The following HSPA4 variants were observed in gnomAD, a reference collection of about 807,000 sequenced individuals.
The protein encoded by HSPA4 is heat shock 70 kDa protein 4.
HSPA4 carries 25 observed loss-of-function variants against 106.2 expected under a neutral mutation model. The ratio of observed to expected loss-of-function variants is 0.24; its 90% CI spans 0.17 to 0.33. The LOEUF (loss-of-function observed/expected upper bound fraction) is 0.33. Ranked by LOEUF, HSPA4 falls within the 10% of genes least tolerant of loss-of-function variation. The pLI, the probability that HSPA4 is intolerant of heterozygous loss-of-function variation, is 1.00. For missense variants in HSPA4, 841 were observed against 996.0 expected, an observed-to-expected ratio of 0.84 and a Z score of 2.10; for synonymous variants, 332 against 333.6, an observed-to-expected ratio of 1.00 and a Z score of 0.05.
At chr5:133,096,025 T>C in intron 13 of HSPA4, 73 bp from the exon 14 acceptor site, 2 of 1,357,566 alleles carry the variant, frequency 1.5e-6, no homozygotes, top group South Asian at 3.0e-5. Flanking sequence ...AAAACAGTTT[T>C]CCAACATGAC....
intron 17 of HSPA4, among the ~76,000 whole-genome samples, chr5:133,103,295 G>A (rs1366567666): frequency 6.6e-6 from 1 of 151,640 alleles, no homozygotes; most frequent in African/African-American, 2.4e-5. Flanking sequence ...GAGCTTAAGC[G>A]ATCCTCCTGC....
At chr5:133,104,067 C>T (rs200417225) in intron 18 of HSPA4, 41 bp downstream of exon 18, 2 of 1,539,846 alleles carry the variant, frequency 1.3e-6, no homozygotes, top group African/African-American at 1.4e-5. Flanking sequence ...TCTTGACAGC[C>T]TTATTATTAA....
chr5:133,096,114 C>G lies in HSPA4; in HGVS notation c.1667C>G (p.Ser556Cys). The change falls in exon 14 of 19, where the codon TCC becomes TGC. Residue 556 changes from serine to cysteine, a missense_variant. Physicochemically the swap from Ser to Cys is moderately radical, Grantham distance 112 (BLOSUM62 -1). Transcript: ENST00000304858. ...TTGTTTTAGACCTCTCAAGCTGGATCCAAGGATAAAAAGATGGACCAACCA... is the reference window on the plus strand; with the variant it reads ...TTGTTTTAGACCTCTCAAGCTGGATGCAAGGATAAAAAGATGGACCAACCA... ...SEEMETSQAG[S>C]KDKKMDQPPQ... is the part of the protein sequence containing the mutation. 1 of 1,613,626 alleles carries G rather than the reference C, an allele frequency of 6.2e-7. No homozygotes were observed. Among genetic ancestry groups the G allele is most frequent in the Non-Finnish European group, 8.5e-7 (1 of 1,179,718 alleles).
intron 3 of HSPA4, among the ~76,000 whole-genome samples, chr5:133,068,421 G>A (rs1430580093): frequency 6.6e-6 from 1 of 151,648 alleles, no homozygotes; most frequent in Non-Finnish European, 1.5e-5. Context: ...GGTAGTAAGA[G>A]GAATCCATGA....
intron 13 of HSPA4, 29 bp downstream of exon 13, chr5:133,092,818 T>TG: frequency 1.0e-6 from 1 of 982,776 alleles, no homozygotes; most frequent in Non-Finnish European, 1.5e-6. Flanking sequence ...TTTTTTTTTT[T>TG]TTTTTTTTTT....
rs1765257948 is a variant in HSPA4, at chr5:133,062,606, TTTTA to T, written c.108-2370_108-2367del. ...TTGCATCTAGTGTCTAAAACAGAGA[TTTTA>T]TTTGTTTTAGTGATTGGTGGCATAG... On this transcript the variant is annotated intron_variant, in intron 1 of 18. Coordinates refer to ENST00000304858, the MANE Select transcript of HSPA4 (RefSeq NM_002154.4). 2.0e-5 allele frequency among the ~76,000 whole-genome samples: 3 copies of T among 152,128 alleles called. No homozygotes were observed. The South Asian group carries it at 6.2e-4, about 32-fold the overall frequency.
At chr5:133,096,703 G>A (rs1049875704) in intron 14 of HSPA4, among the ~76,000 whole-genome samples, 6 of 152,218 alleles carry the variant, frequency 3.9e-5, no homozygotes, top group Admixed American at 3.3e-4. Flanking sequence ...GCAAGGTTTG[G>A]GATTTGTGAG....
chr5:133,073,647 TG>T (rs1344298802), intron 5 of HSPA4, among the ~76,000 whole-genome samples: 1 of 152,196 alleles, frequency 6.6e-6, no homozygotes, highest in African/African-American at 2.4e-5. Flanking sequence ...GTCAGAGGAA[TG>T]GGACATTAAG....
chr5:133,083,244 G>A (rs1018867059), intron 7 of HSPA4, among the ~76,000 whole-genome samples: 1 of 151,856 alleles, frequency 6.6e-6, no homozygotes, highest in Non-Finnish European at 1.5e-5. Context: ...CCTGGGAGGC[G>A]GAGGTAGCAG....
Position 133,068,101 on chromosome 5 carries a change from C to T in HSPA4, c.306+544C>T, listed in dbSNP as rs1025437733. On this transcript the variant is annotated intron_variant, in intron 3 of 18. Transcript: ENST00000304858. ...TAGAGACGGGGTTTCACTGTGTTGG[C>T]CAGGTTGGTCTCGAACTCCTGACCT... Among the ~76,000 whole-genome samples the T allele has an allele frequency of 4.6e-5, 7 of 151,898 alleles. 1 individual carries two copies. The highest frequency in any genetic ancestry group is 1.4e-4 in the African/African-American group (6 of 41,408).
In HSPA4 at chr5:133,076,752, A is replaced by G; in HGVS notation, c.762A>G (p.Leu254=). 6.2e-7 allele frequency: 1 copy of G among 1,613,982 alleles called. No homozygotes were observed. The highest frequency in any genetic ancestry group is 8.5e-7 in the Non-Finnish European group (1 of 1,179,872). The change falls in exon 7 of 19, where the codon CTA becomes CTG. Residue 254 remains leucine (L), a synonymous_variant. Transcript: ENST00000304858. ...FCEEFGKKYK[L]DIKSKIRALL... ...AAGAATTTGGGAAGAAATACAAGCT[A>G]GACATTAAGTCCAAAATCCGTGCAT... is the stretch of plus-strand genomic sequence containing the variant.
intron 1 of HSPA4, among the ~76,000 whole-genome samples, chr5:133,063,164 A>G (rs972887540): frequency 6.7e-6 from 1 of 149,682 alleles, no homozygotes; most frequent in African/African-American, 2.5e-5. Flanking sequence ...TAGCATGATC[A>G]CAGCTTACTG....
At chr5:133,077,399 A>G (rs1765459104) in intron 7 of HSPA4, among the ~76,000 whole-genome samples, 1 of 152,082 alleles carries the variant, frequency 6.6e-6, no homozygotes, top group Admixed American at 6.5e-5. Flanking sequence ...CACCACGCCC[A>G]GCTAATTTTT....
chr5:133,098,411 A>G (rs527253073), intron 15 of HSPA4, among the ~76,000 whole-genome samples: 2 of 151,646 alleles, frequency 1.3e-5, no homozygotes, highest in Non-Finnish European at 2.9e-5. Flanking sequence ...TCTCAGGTTC[A>G]CGCCATTCTC....
At position 133,105,899 on chromosome 5, in the gene HSPA4, G is replaced by C. The variant is rs1323348428; in HGVS notation, c.*1463G>C. The C allele has an allele frequency of 6.6e-6, 1 of 151,964 alleles. No homozygotes were observed. The highest frequency in any genetic ancestry group is 1.5e-5 in the Non-Finnish European group (1 of 68,016). 9.4% of individuals were successfully genotyped at this position (151,964 alleles called of 1,614,324 possible). On this transcript the variant is annotated 3_prime_UTR_variant, in exon 19 of 19. Transcript: ENST00000304858. ...GGGGAAAGTATACTTATGTTGGTGT[G>C]TAAGCATGCATGGAGGCCTCGAGGC...
intron 1 of HSPA4, among the ~76,000 whole-genome samples, chr5:133,063,809 T>A (rs1401941670): frequency 6.6e-6 from 1 of 152,084 alleles, no homozygotes; most frequent in African/African-American, 2.4e-5. Flanking sequence ...GTTGCCAGGC[T>A]GGAGTGCAGT....
At chr5:133,061,071 A>G (rs1765235676) in intron 1 of HSPA4, among the ~76,000 whole-genome samples, 1 of 151,782 alleles carries the variant, frequency 6.6e-6, no homozygotes, top group Non-Finnish European at 1.5e-5. Context: ...ACAACTGAAA[A>G]GCTTCATTAA....
chr5:133,056,362 T>G (rs1765164612), intron 1 of HSPA4, among the ~76,000 whole-genome samples: 1 of 152,200 alleles, frequency 6.6e-6, no homozygotes, highest in African/African-American at 2.4e-5. Context: ...GTGGGAAGAT[T>G]ATTTTTTGAC....
intron 15 of HSPA4, among the ~76,000 whole-genome samples, chr5:133,097,565 T>G (rs1192838850): frequency 1.3e-5 from 2 of 149,912 alleles, no homozygotes; most frequent in African/African-American, 4.9e-5. Flanking sequence ...TTTTTTTTTT[T>G]GAGACAGAGT....
Sources: gnomAD v4.1 joint callset for allele counts (sites outside exome capture counted in the v4.1 genomes callset) on GRCh38, gnomAD v4.1.1 for gene constraint, MANE v1.5 for transcripts, NCBI Gene and HGNC (gene_info 2026-07-23, HGNC 2026-07-21) for gene names.